The following SUCLG2 variants were observed in gnomAD, a reference collection of about 807,000 sequenced individuals.
The protein encoded by SUCLG2 is succinate--CoA ligase [GDP-forming] subunit beta, mitochondrial.
A neutral mutation model predicts 47.9 loss-of-function variants in SUCLG2; 42 were observed. That is an observed-to-expected ratio of 0.88 (90% CI 0.69 to 1.14). SUCLG2 has a LOEUF of 1.14. Among genes scored for constraint, SUCLG2 ranks in the 50% most tolerant of loss-of-function variants. The pLI is 0.00. For missense variants in SUCLG2, 571 were observed against 525.9 expected (o/e 1.09, Z -0.84); for synonymous variants, 195 against 197.3 (o/e 0.99, Z 0.10).
chr3:67,634,441 T>C (rs956672458), intron 1 of SUCLG2, among the ~76,000 whole-genome samples: 17 of 152,348 alleles, frequency 1.1e-4, no homozygotes, highest in African/African-American at 3.6e-4. Flanking sequence ...TATGCTTCTT[T>C]TGGAGCAGAT....
rs563615564 is a variant in SUCLG2 at position 67,452,759 on chromosome 3, C to T, written c.1062+43039G>A. Among the ~76,000 whole-genome samples the T allele has an allele frequency of 2.0e-5, 3 of 152,274 alleles. No individual in the cohort carries two copies. In the South Asian group the frequency reaches 6.2e-4, roughly 32 times the overall value. ...ATCAGAGATAACATCTAATAAATTC[C>T]TCTAATTGTCATTCTGTGACTGAAA... On this transcript the variant is annotated intron_variant, in intron 9 of 10. Transcript: ENST00000307227.
At chr3:67,464,139 G>C (rs1704409480) in intron 9 of SUCLG2, among the ~76,000 whole-genome samples, 1 of 152,176 alleles carries the variant, frequency 6.6e-6, no homozygotes, top group Non-Finnish European at 1.5e-5. Context: ...AATGGTTACT[G>C]AAAGTGACGG....
intron 2 of SUCLG2, among the ~76,000 whole-genome samples, chr3:67,598,274 G>A (rs145034533): frequency 8.4e-4 from 128 of 152,208 alleles, no homozygotes; most frequent in African/African-American, 2.9e-3. Flanking sequence ...GAGCCACCAC[G>A]CCCGGCCAAA....
In SUCLG2 at chr3:67,487,245, A is replaced by T. The variant is rs183707909; in HGVS notation, c.1062+8553T>A. 2.6e-5 allele frequency among the ~76,000 whole-genome samples: 4 copies of T among 152,254 alleles called. No individual in the cohort carries two copies. The East Asian group carries it at 7.7e-4, about 29-fold the overall frequency. ...CTTGAAATTGTACCATGGTATGTTG[A>T]TTCATGAAATCACAAATTTTAAAAC... On this transcript the variant is annotated intron_variant, in intron 9 of 10. Coordinates refer to ENST00000307227, the MANE Select transcript of SUCLG2 (RefSeq NM_003848.4).
chr3:67,415,435 T>C (rs993306098), intron 9 of SUCLG2, among the ~76,000 whole-genome samples: 2 of 152,220 alleles, frequency 1.3e-5, no homozygotes, highest in Non-Finnish European at 2.9e-5. Context: ...TATCTTAACT[T>C]ACTGATATCT....
At chr3:67,646,376 C>T (rs1032350984) in intron 1 of SUCLG2, among the ~76,000 whole-genome samples, 3 of 152,142 alleles carry the variant, frequency 2.0e-5, no homozygotes, top group Non-Finnish European at 4.4e-5. Flanking sequence ...GGGTGGACCA[C>T]CTGAGGTCAG....
intron 2 of SUCLG2, among the ~76,000 whole-genome samples, chr3:67,578,540 G>C (rs1219571732): frequency 6.6e-6 from 1 of 152,106 alleles, no homozygotes; most frequent in Non-Finnish European, 1.5e-5. Context: ...AAGCCAGAAA[G>C]AGAGGGGACA....
chr3:67,498,947 G>A (rs1705422544), intron 7 of SUCLG2, among the ~76,000 whole-genome samples: 4 of 152,196 alleles, frequency 2.6e-5, no homozygotes, highest in Admixed American at 2.6e-4. Flanking sequence ...TTCTCAAGAT[G>A]TAAAGCCCCA....
downstream of SUCLG2, among the ~76,000 whole-genome samples, chr3:67,372,290 G>A (rs1221968475): frequency 2.6e-5 from 4 of 152,184 alleles, no homozygotes; most frequent in East Asian, 5.8e-4. Context: ...CATTAACTAC[G>A]AAACTCAAGA....
At chr3:67,507,903 C>T (rs987203065) in intron 7 of SUCLG2, among the ~76,000 whole-genome samples, 10 of 152,224 alleles carry the variant, frequency 6.6e-5, no homozygotes, top group Admixed American at 6.5e-4. Context: ...CCTGCCATTC[C>T]ACTGTTTTGA....
intron 9 of SUCLG2, among the ~76,000 whole-genome samples, chr3:67,406,835 C>A (rs1702823433): frequency 6.6e-6 from 1 of 152,140 alleles, no homozygotes; most frequent in Non-Finnish European, 1.5e-5. Flanking sequence ...AATGAATTTA[C>A]AATAAGCTTA....
At chr3:67,526,946 A>G (rs1706271832) in intron 4 of SUCLG2, among the ~76,000 whole-genome samples, 1 of 152,232 alleles carries the variant, frequency 6.6e-6, no homozygotes, top group Non-Finnish European at 1.5e-5. Flanking sequence ...TCAACAGATG[A>G]TGGTTAAACA....
At chr3:67,644,106 T>G (rs139657296) in intron 1 of SUCLG2, among the ~76,000 whole-genome samples, 1 of 152,158 alleles carries the variant, frequency 6.6e-6, no homozygotes, top group Admixed American at 6.5e-5. Flanking sequence ...AAACTGAAAA[T>G]GTAGCCCAAG....
chr3:67,393,591 C>T (rs995492159), intron 10 of SUCLG2, among the ~76,000 whole-genome samples: 9 of 152,218 alleles, frequency 5.9e-5, no homozygotes, highest in African/African-American at 2.2e-4. Flanking sequence ...CCTTTGGGGG[C>T]AGGGCACAGA....
chr3:67,560,694 G>A (rs1707286302), intron 2 of SUCLG2, among the ~76,000 whole-genome samples: 1 of 152,070 alleles, frequency 6.6e-6, no homozygotes, highest in African/African-American at 2.4e-5. Flanking sequence ...AGTAAACTCA[G>A]CCTTTGGGAG....
intron 2 of SUCLG2, among the ~76,000 whole-genome samples, chr3:67,597,988 CT>C (rs990879980): frequency 2.0e-5 from 3 of 150,480 alleles, no homozygotes; most frequent in Admixed American, 6.6e-5. Context: ...TTTCCTTTTC[CT>C]TTTTTTTTGG....
At position 67,625,779 on chromosome 3, in the gene SUCLG2, A is replaced by G. The variant is rs180823384; in HGVS notation, c.85-16183T>C. 2.2e-3 allele frequency among the ~76,000 whole-genome samples: 329 copies of G among 152,202 alleles called. 1 individual carries two copies. The highest frequency in any genetic ancestry group is 6.7e-3 in the African/African-American group (278 of 41,552). On this transcript the variant is annotated intron_variant, in intron 1 of 10. Coordinates refer to ENST00000307227, the MANE Select transcript of SUCLG2 (RefSeq NM_003848.4). ...CTGAACACCAAGTATCACCTACACT[A>G]CACGGTAAGATCTAGTGCTAAGCAC...
intron 2 of SUCLG2, among the ~76,000 whole-genome samples, chr3:67,584,147 C>T (rs1314965469): frequency 6.6e-6 from 1 of 152,166 alleles, no homozygotes; most frequent in Non-Finnish European, 1.5e-5. Flanking sequence ...TTCAAATCAA[C>T]ATAAATATCT....
intron 2 of SUCLG2, among the ~76,000 whole-genome samples, chr3:67,591,184 T>C (rs1460279098): frequency 6.6e-6 from 1 of 152,164 alleles, no homozygotes; most frequent in Non-Finnish European, 1.5e-5. Context: ...TTTCCTACCA[T>C]TCCAGAGAAA....
Sources: allele counts gnomAD v4.1 joint callset (sites outside exome capture counted in the v4.1 genomes callset), GRCh38; gene constraint gnomAD v4.1.1; transcripts MANE v1.5; gene names NCBI Gene and HGNC (gene_info 2026-07-23, HGNC 2026-07-21).